Variants in GRM7 observed in about 807,000 individuals in gnomAD.
GRM7 encodes metabotropic glutamate receptor 7.
Under a neutral mutation model 84.5 loss-of-function variants are expected in GRM7, and 35 were observed. The ratio of observed to expected loss-of-function variants is 0.41; its 90% CI spans 0.32 to 0.55. GRM7 has a LOEUF of 0.55. GRM7 is among the 20% of genes least tolerant of loss of function. The pLI, the probability that GRM7 is intolerant of heterozygous loss-of-function variation, is 0.19. For synonymous variants in GRM7, 487 were observed against 455.1 expected (o/e 1.07, Z -0.89); for missense variants, 1,003 against 1,194.6 (o/e 0.84, Z 2.36).
chr3:7,587,472 G>T (rs1695572773), intron 8 of GRM7, among the ~76,000 whole-genome samples: 1 of 152,180 alleles, frequency 6.6e-6, no homozygotes, highest in Non-Finnish European at 1.5e-5. Context: ...TGGGGGAACT[G>T]TCAGGAGAGG....
chr3:7,091,817 C>T (rs953432991), intron 1 of GRM7, among the ~76,000 whole-genome samples: 2 of 150,340 alleles, frequency 1.3e-5, no homozygotes, highest in Non-Finnish European at 2.9e-5. Flanking sequence ...TATACAGTAG[C>T]TACCTTATGC....
chr3:7,322,341 C>T (rs998556868), intron 4 of GRM7, among the ~76,000 whole-genome samples: 14 of 151,974 alleles, frequency 9.2e-5, no homozygotes, highest in Non-Finnish European at 7.4e-5. Flanking sequence ...ATTTGGATTT[C>T]ATTATAAGAG....
chr3:6,893,079 AT>A (rs1559312160), intron 1 of GRM7: 1 of 152,066 alleles, frequency 6.6e-6, no homozygotes, highest in Admixed American at 6.6e-5. Flanking sequence ...CTTAATAACC[AT>A]TTTTTAATCT....
At chr3:7,209,958 A>G (rs1696367163) in intron 2 of GRM7, among the ~76,000 whole-genome samples, 1 of 152,220 alleles carries the variant, frequency 6.6e-6, no homozygotes, top group Non-Finnish European at 1.5e-5. Flanking sequence ...GAAAAGACCC[A>G]AGCCGTAAAA....
At chr3:7,512,681 A>C (rs1700252233) in intron 7 of GRM7, among the ~76,000 whole-genome samples, 1 of 150,880 alleles carries the variant, frequency 6.6e-6, no homozygotes, top group South Asian at 2.1e-4. Context: ...ATGTCAAGCT[A>C]TGAAATAAAG....
rs765037223 is a variant in GRM7 at position 6,861,694 on chromosome 3, C to T, written c.306C>T (p.Gly102=). The T allele has an allele frequency of 1.5e-5, 25 of 1,614,012 alleles. No homozygotes were observed. Among genetic ancestry groups the T allele is most frequent in the Non-Finnish European group, 2.0e-5 (24 of 1,180,002 alleles). Reference sequence around the variant, plus strand: ...ACCTACTGCCCAACGTGACGCTGGGCGCGCGGATCCTGGACACTTGTTCCA... The same window carrying T: ...ACCTACTGCCCAACGTGACGCTGGGTGCGCGGATCCTGGACACTTGTTCCA... ...DPNLLPNVTL[G]ARILDTCSRD... Residue 102 remains glycine (G), a synonymous_variant, in exon 1 of 10, where the codon GGC becomes GGT. Coordinates refer to ENST00000357716, the MANE Select transcript of GRM7 (RefSeq NM_000844.4). The surrounding 1 kb of genome is among the most constrained non-coding windows in gnomAD (Gnocchi z 6.4).
At chr3:7,025,480 T>G (rs192665817) in intron 1 of GRM7, among the ~76,000 whole-genome samples, 1 of 152,182 alleles carries the variant, frequency 6.6e-6, no homozygotes, top group African/African-American at 2.4e-5. Flanking sequence ...ATTGTACAGA[T>G]CTGGGAACAG....
chr3:7,063,213 A>G (rs1697496187), intron 1 of GRM7, among the ~76,000 whole-genome samples: 1 of 151,806 alleles, frequency 6.6e-6, no homozygotes, highest in South Asian at 2.1e-4. Context: ...AGCCTAGAGG[A>G]TACCACATCG....
chr3:7,125,044 A>T (rs917528825), intron 1 of GRM7, among the ~76,000 whole-genome samples: 7 of 152,110 alleles, frequency 4.6e-5, no homozygotes, highest in Non-Finnish European at 8.8e-5. Flanking sequence ...GGTTCAAGTG[A>T]TTCTCCTGCC....
intron 8 of GRM7, among the ~76,000 whole-genome samples, chr3:7,645,353 C>T (rs1427103718): frequency 2.0e-5 from 3 of 151,700 alleles, no homozygotes; most frequent in Non-Finnish European, 2.9e-5. Flanking sequence ...TTGAGACCAT[C>T]CTGGCCAACA....
chr3:7,718,121 CTT>C (rs1701829021), intron 9 of GRM7, among the ~76,000 whole-genome samples: 1 of 152,194 alleles, frequency 6.6e-6, no homozygotes, highest in Non-Finnish European at 1.5e-5. Flanking sequence ...CTGTGCCTCT[CTT>C]TTCCCATCTG....
chr3:6,925,762 C>G (rs943899799), intron 1 of GRM7, among the ~76,000 whole-genome samples: 2 of 152,174 alleles, frequency 1.3e-5, no homozygotes. Context: ...CCTGAAGCAT[C>G]TTACCCATTG....
intron 9 of GRM7, among the ~76,000 whole-genome samples, chr3:7,718,999 G>C (rs1349721772): frequency 2.0e-5 from 3 of 152,106 alleles, no homozygotes; most frequent in African/African-American, 7.2e-5. Context: ...TTGGAGATTT[G>C]GTAAATATTT....
At chr3:7,325,691 G>T (rs1311765852) in intron 4 of GRM7, among the ~76,000 whole-genome samples, 2 of 152,100 alleles carry the variant, frequency 1.3e-5, no homozygotes, top group African/African-American at 4.8e-5. Context: ...TAACCATTCT[G>T]GTCAAAGGTA....
chr3:7,076,339 G>T (rs898951924), intron 1 of GRM7, among the ~76,000 whole-genome samples: 3 of 152,158 alleles, frequency 2.0e-5, no homozygotes, highest in Non-Finnish European at 4.4e-5. Context: ...ATTCCCACAT[G>T]TTGAGGGAAG....
chr3:7,671,379 G>C (rs373684884), intron 8 of GRM7, among the ~76,000 whole-genome samples: 3 of 152,064 alleles, frequency 2.0e-5, no homozygotes, highest in Non-Finnish European at 4.4e-5. Flanking sequence ...ACTGCATCAG[G>C]CTTCCAGTCA....
intron 4 of GRM7, among the ~76,000 whole-genome samples, chr3:7,373,275 T>C (rs554673168): frequency 6.6e-6 from 1 of 152,322 alleles, no homozygotes; most frequent in South Asian, 2.1e-4. Context: ...TACCCAACAG[T>C]TGGGTCACTG....
chr3:7,295,181 T>C (rs1575131676), intron 2 of GRM7, among the ~76,000 whole-genome samples: 1 of 152,226 alleles, frequency 6.6e-6, no homozygotes, highest in Non-Finnish European at 1.5e-5. Flanking sequence ...TTAATTTCTA[T>C]ATAAGGCAAG....
chr3:7,381,343 C>G, intron 4 of GRM7, among the ~76,000 whole-genome samples: 1 of 152,064 alleles, frequency 6.6e-6, no homozygotes, highest in Non-Finnish European at 1.5e-5. Context: ...ATTCTTTTCC[C>G]TACTCATTAA....
Sources: allele counts gnomAD v4.1 joint callset (sites outside exome capture counted in the v4.1 genomes callset), GRCh38; gene constraint gnomAD v4.1.1; non-coding constraint Gnocchi (gnomAD v3.1); transcripts MANE v1.5; gene names NCBI Gene and HGNC (gene_info 2026-07-23, HGNC 2026-07-21).